The following MGST1 variants were observed in gnomAD, a reference collection of about 807,000 sequenced individuals.
MGST1 encodes microsomal glutathione S-transferase 1.
In MGST1, 5 loss-of-function variants were observed where a neutral mutation model predicts 8.9. The observed-to-expected ratio is 0.56, with a 90% CI of 0.29 to 1.19. MGST1 has a LOEUF of 1.19. MGST1 is among the 50% of genes most tolerant of loss of function. The pLI, the probability that MGST1 is intolerant of heterozygous loss-of-function variation, is 0.08. For synonymous variants in MGST1, 54 were observed against 67.8 expected (o/e 0.80, Z 1.00); for missense variants, 182 against 187.4 (o/e 0.97, Z 0.17).
intron 4 of MGST1, among the ~76,000 whole-genome samples, chr12:16,451,832 C>T (rs1049990586): frequency 6.6e-6 from 1 of 151,866 alleles, no homozygotes; most frequent in East Asian, 1.9e-4. Flanking sequence ...TTTGGTTTTC[C>T]AGTACCCTGA....
intron 4 of MGST1, among the ~76,000 whole-genome samples, chr12:16,527,684 C>T (rs1941695822): frequency 6.6e-6 from 1 of 151,916 alleles, no homozygotes; most frequent in African/African-American, 2.4e-5. Flanking sequence ...GCTAAGACTA[C>T]CAAACTTCAA....
chr12:16,393,843 C>G (rs1940574880), intron 1 of MGST1, among the ~76,000 whole-genome samples: 3 of 152,190 alleles, frequency 2.0e-5, no homozygotes, highest in Admixed American at 2.0e-4. Context: ...CAAACCCAAT[C>G]TGAATCAAAT....
intron 4 of MGST1, among the ~76,000 whole-genome samples, chr12:16,475,258 C>CT (rs1469873978): frequency 3.3e-5 from 5 of 152,022 alleles, no homozygotes; most frequent in Non-Finnish European, 7.4e-5. Context: ...GTACTGTACT[C>CT]TTTTTTTAAT....
At chr12:16,377,507 C>T (rs1050057703), downstream of MGST1, among the ~76,000 whole-genome samples, 38 of 151,948 alleles carry the variant, frequency 2.5e-4, 1 homozygote, top group South Asian at 1.5e-3. Context: ...TAGTATTCCA[C>T]GGTGTATATG....
At chr12:16,457,250 AAT>A (rs1426943555) in intron 4 of MGST1, among the ~76,000 whole-genome samples, 3 of 151,996 alleles carry the variant, frequency 2.0e-5, no homozygotes, top group Admixed American at 6.6e-5. Context: ...CTCCTTTAGA[AAT>A]ATATGTGTTC....
At position 16,479,535 on chromosome 12, in the gene MGST1, C is replaced by CTTTTTTTTTTTTTTTT. The variant is rs71054820; in HGVS notation, n.482+95932_482+95947dup. Among the ~76,000 whole-genome samples, 104 of 113,072 alleles carry CTTTTTTTTTTTTTTTT rather than the reference C, an allele frequency of 9.2e-4. 8 individuals carry two copies. Among genetic ancestry groups the CTTTTTTTTTTTTTTTT allele is most frequent in the African/African-American group, 3.8e-3 (98 of 26,016 alleles). 74.2% of individuals were successfully genotyped at this position (113,072 alleles called of 152,430 possible). A position where few individuals can be genotyped will look rare whatever the true frequency, so the allele number is the denominator to read the frequency against. On this transcript the variant is annotated intron_variant and non_coding_transcript_variant, in intron 4 of 4. Coordinates refer to the MGST1 transcript ENST00000538857. Reference sequence around the variant, plus strand: ...AGGCGTGAGCCACTGCGCCCGGCCTCTTTTTTTTTTTTTTTTGAGACAGGG... The same window carrying CTTTTTTTTTTTTTTTT: ...AGGCGTGAGCCACTGCGCCCGGCCTCTTTTTTTTTTTTTTTTTTTTTTTTTTTTTTTTGAGACAGGG...
chr12:16,386,627 G>A (rs754105789), intron 1 of MGST1, among the ~76,000 whole-genome samples: 1 of 152,202 alleles, frequency 6.6e-6, no homozygotes, highest in Non-Finnish European at 1.5e-5. Context: ...GCCAATGCCT[G>A]ATGTTACTGT....
chr12:16,390,109 C>G (rs557195382), intron 1 of MGST1, among the ~76,000 whole-genome samples: 1 of 152,032 alleles, frequency 6.6e-6, no homozygotes, highest in South Asian at 2.1e-4. Context: ...GACATTTACA[C>G]ATTTCTCTGG....
intron 4 of MGST1, among the ~76,000 whole-genome samples, chr12:16,504,699 T>C (rs901493829): frequency 6.6e-6 from 1 of 152,186 alleles, no homozygotes; most frequent in African/African-American, 2.4e-5. Flanking sequence ...ACTCACACAT[T>C]AATATTCTTT....
chr12:16,545,203 T>C (rs543266104), intron 4 of MGST1, among the ~76,000 whole-genome samples: 7 of 152,110 alleles, frequency 4.6e-5, no homozygotes, highest in Admixed American at 4.6e-4. Flanking sequence ...GAATCTGATT[T>C]ATTAAATTTA....
intron 1 of MGST1, among the ~76,000 whole-genome samples, chr12:16,407,669 C>G (rs560850673): frequency 6.6e-6 from 1 of 152,090 alleles, no homozygotes; most frequent in South Asian, 2.1e-4. Context: ...TACCTAAGTG[C>G]CCATCATTTG....
intron 4 of MGST1, among the ~76,000 whole-genome samples, chr12:16,574,588 C>G (rs1410108439): frequency 6.6e-6 from 1 of 152,054 alleles, no homozygotes; most frequent in African/African-American, 2.4e-5. Context: ...AGGAACTTTC[C>G]CCCTATTTGT....
At chr12:16,407,296 C>A (rs551742275) in intron 1 of MGST1, among the ~76,000 whole-genome samples, 9 of 152,278 alleles carry the variant, frequency 5.9e-5, no homozygotes, top group African/African-American at 2.2e-4. Context: ...ATGGGGCCAA[C>A]AAGCATATGA....
chr12:16,500,152 C>A lies in MGST1; in HGVS notation n.483-89376C>A, dbSNP rs941302234. Among the ~76,000 whole-genome samples, 4 of 151,718 alleles carry A rather than the reference C, an allele frequency of 2.6e-5. No homozygotes were observed. In the East Asian group the frequency reaches 5.9e-4, roughly 22 times the overall value. On this transcript the variant is annotated intron_variant and non_coding_transcript_variant, in intron 4 of 4. Coordinates refer to the MGST1 transcript ENST00000538857. This position sits in a 1 kb window ranked among gnomAD's most constrained non-coding sequence, Gnocchi z 4.3. ...CAGAGAAGTTTTCTTTTTTCCAAAT[C>A]GAGTGTTTACTTTTCTTCTATCTTA...
At chr12:16,573,321 C>CA (rs1229835346) in intron 4 of MGST1, among the ~76,000 whole-genome samples, 1 of 152,064 alleles carries the variant, frequency 6.6e-6, no homozygotes, top group Non-Finnish European at 1.5e-5. Flanking sequence ...ATTTTGAACT[C>CA]AGACATATTG....
chr12:16,439,050 T>C (rs1941015449), downstream of MGST1, among the ~76,000 whole-genome samples: 1 of 151,400 alleles, frequency 6.6e-6, no homozygotes, highest in Non-Finnish European at 1.5e-5. Flanking sequence ...ATTTTATAGA[T>C]GAAAGGTGAA....
chr12:16,512,245 AAGATTTGTAAG>A (rs1260995951), intron 4 of MGST1, among the ~76,000 whole-genome samples: 1 of 151,964 alleles, frequency 6.6e-6, no homozygotes, highest in Non-Finnish European at 1.5e-5. Flanking sequence ...GATGGTGGGG[AAGATTTGTAAG>A]AGATTTGTAC....
chr12:16,520,377 A>G (rs894102899), intron 4 of MGST1, among the ~76,000 whole-genome samples: 1 of 152,212 alleles, frequency 6.6e-6, no homozygotes, highest in Non-Finnish European at 1.5e-5. Flanking sequence ...TCGGGAAGGA[A>G]AGATTAGTAT....
At chr12:16,415,701 C>G (rs1940782314) in intron 1 of MGST1, among the ~76,000 whole-genome samples, 1 of 152,118 alleles carries the variant, frequency 6.6e-6, no homozygotes, top group Non-Finnish European at 1.5e-5. Flanking sequence ...GGTAACGGTT[C>G]TGATCAACAG....
Sources: allele counts gnomAD v4.1 joint callset (sites outside exome capture counted in the v4.1 genomes callset), GRCh38; gene constraint gnomAD v4.1.1; non-coding constraint Gnocchi (gnomAD v3.1); transcripts MANE v1.5; gene names NCBI Gene and HGNC (gene_info 2026-07-23, HGNC 2026-07-21).